The following RIMS2 variants were observed in gnomAD, a reference collection of about 807,000 sequenced individuals.
RIMS2 encodes regulating synaptic membrane exocytosis protein 2.
In RIMS2, 59 loss-of-function variants were observed where a neutral mutation model predicts 174.4. The observed-to-expected ratio is 0.34, with a 90% CI of 0.27 to 0.42. The LOEUF is 0.42. Among genes scored for constraint, RIMS2 ranks in the 10% least tolerant of loss-of-function variants. RIMS2 has a pLI of 1.00. For synonymous variants in RIMS2, 606 were observed against 572.5 expected (o/e 1.06, Z -0.84); for missense variants, 1,620 against 1,666.3 (o/e 0.97, Z 0.48).
rs142095925 is a variant in RIMS2, at chr8:103,825,485, A to G, written c.698+58948A>G. ...TTTTTGTTAGAGATGGGGTTTCGCC[A>G]TGTTGTCCAGGCTGGTCTCAAGCTC... On this transcript the variant is annotated intron_variant, in intron 3 of 23. Transcript: ENST00000504942. 3.5e-3 allele frequency among the ~76,000 whole-genome samples: 475 copies of G among 136,558 alleles called. 2 individuals carry two copies. The highest frequency in any genetic ancestry group is 0.012 in the African/African-American group (443 of 36,200). The allele number at this position is 136,558 out of a possible 152,430, so 89.6% of individuals were successfully genotyped here. A position where few individuals can be genotyped will look rare whatever the true frequency, so the allele number is the denominator to read the frequency against.
chr8:104,020,574 G>A (rs2096062419), intron 19 of RIMS2, among the ~76,000 whole-genome samples: 1 of 151,874 alleles, frequency 6.6e-6, no homozygotes. Context: ...CATTAAAATT[G>A]GAAGATTTAC....
chr8:103,592,596 G>T (rs1447808966), intron 1 of RIMS2, among the ~76,000 whole-genome samples: 1 of 151,274 alleles, frequency 6.6e-6, no homozygotes, highest in Non-Finnish European at 1.5e-5. Flanking sequence ...TGGACCACTG[G>T]CAGTCTCCAA....
chr8:103,614,020 A>G (rs2388724), intron 1 of RIMS2, among the ~76,000 whole-genome samples: 17,666 of 152,282 alleles, frequency 0.12, 1,365 homozygotes, highest in Non-Finnish European at 0.17. Flanking sequence ...TGGTGCAAGC[A>G]CTACTTTAAC....
intron 19 of RIMS2, among the ~76,000 whole-genome samples, chr8:104,225,817 T>C (rs145343667): frequency 1.3e-3 from 204 of 152,324 alleles, no homozygotes; most frequent in Non-Finnish European, 2.4e-3. Context: ...TCTCTACTAG[T>C]AACTAGAGAG....
intron 12 of RIMS2, among the ~76,000 whole-genome samples, chr8:103,936,073 AT>A (rs1243010820): frequency 2.6e-5 from 4 of 152,216 alleles, no homozygotes; most frequent in African/African-American, 9.6e-5. Context: ...TTTATAAAAA[AT>A]AAATTATCAT....
intron 3 of RIMS2, among the ~76,000 whole-genome samples, chr8:103,767,196 T>C (rs1330471826): frequency 1.3e-5 from 2 of 151,238 alleles, no homozygotes; most frequent in Non-Finnish European, 3.0e-5. Flanking sequence ...TTCTTTCTTT[T>C]TTTTTTTTTT....
chr8:103,661,546 C>G (rs774150852), intron 1 of RIMS2, among the ~76,000 whole-genome samples: 1 of 152,112 alleles, frequency 6.6e-6, no homozygotes, highest in African/African-American at 2.4e-5. Flanking sequence ...CTCTGTCACC[C>G]AGGCTGGAGT....
Position 104,014,492 on chromosome 8 carries a change from TG to T in RIMS2, c.3225-12del. 7.1e-7 allele frequency: 1 copy of T among 1,412,886 alleles called. No individual in the cohort carries two copies. The highest frequency in any genetic ancestry group is 1.0e-6 in the Non-Finnish European group (1 of 1,001,988). 87.5% of individuals were successfully genotyped at this position (1,412,886 alleles called of 1,614,324 possible). ...TCATTATACTGAAAATGAATATTAATGGTGTGTCTTTAGGTCTCATCCTCGT... is the reference window on the plus strand; with the variant it reads ...TCATTATACTGAAAATGAATATTAATGTGTGTCTTTAGGTCTCATCCTCGT... On this transcript the variant is annotated splice_polypyrimidine_tract_variant and intron_variant, in intron 18 of 23. Coordinates refer to ENST00000504942, the Ensembl canonical transcript of RIMS2.
rs535562983 is a variant in RIMS2, at chr8:104,034,711, C to A, written c.3334+20096C>A. On this transcript the variant is annotated intron_variant, in intron 19 of 23. Transcript: ENST00000504942. ...TCTCAAACTCCTGAACTCAGGTGAT[C>A]CACCCACCTCAGCCTCCCAAAGTGC... Among the ~76,000 whole-genome samples the A allele has an allele frequency of 2.0e-5, 3 of 152,036 alleles. No homozygotes were observed. In the South Asian group the frequency reaches 6.2e-4, roughly 32 times the overall value.
chr8:104,196,261 C>T (rs2099023852), intron 19 of RIMS2, among the ~76,000 whole-genome samples: 1 of 152,020 alleles, frequency 6.6e-6, no homozygotes, highest in South Asian at 2.1e-4. Context: ...CTTGTTTTTC[C>T]TTTTCAACTT....
intron 1 of RIMS2, among the ~76,000 whole-genome samples, chr8:103,502,270 T>C (rs1820615966): frequency 6.6e-6 from 1 of 152,216 alleles, no homozygotes; most frequent in African/African-American, 2.4e-5. Flanking sequence ...AATTTAGTAG[T>C]CTTTCATGTA....
At chr8:103,691,540 T>C (rs1260344666) in intron 1 of RIMS2, among the ~76,000 whole-genome samples, 1 of 152,212 alleles carries the variant, frequency 6.6e-6, no homozygotes, top group Non-Finnish European at 1.5e-5. Context: ...TTTACGTTAT[T>C]TCAATCTCTT....
intron 3 of RIMS2, among the ~76,000 whole-genome samples, chr8:103,848,539 G>C (rs1380781704): frequency 6.6e-6 from 1 of 151,992 alleles, no homozygotes; most frequent in Non-Finnish European, 1.5e-5. Context: ...TGGGTTTCAT[G>C]ATGGGTGCTT....
At position 103,870,364 on chromosome 8, in the gene RIMS2, T is replaced by C. The variant is rs562074133; in HGVS notation, c.699-14934T>C. Among the ~76,000 whole-genome samples the C allele has an allele frequency of 4.2e-3, 639 of 151,074 alleles. 4 individuals are homozygous for C. Among genetic ancestry groups the C allele is most frequent in the African/African-American group, 0.015 (608 of 41,188 alleles). ...ACCACTCTTATCACCACCACCACCATCACCACCACCACCACCAGCACCACC... is the reference window on the plus strand; with the variant it reads ...ACCACTCTTATCACCACCACCACCACCACCACCACCACCACCAGCACCACC... On this transcript the variant is annotated intron_variant, in intron 3 of 23. Coordinates refer to ENST00000504942, the Ensembl canonical transcript of RIMS2.
chr8:104,245,588 A>C (rs1056917490), intron 20 of RIMS2, among the ~76,000 whole-genome samples: 1 of 152,234 alleles, frequency 6.6e-6, no homozygotes, highest in Non-Finnish European at 1.5e-5. Context: ...TTTCCTTTGA[A>C]TCAACTGTCT....
At chr8:103,740,756 C>A (rs1318269621) in intron 2 of RIMS2, among the ~76,000 whole-genome samples, 1 of 152,082 alleles carries the variant, frequency 6.6e-6, no homozygotes, top group Admixed American at 6.6e-5. Flanking sequence ...CTGTTACAGC[C>A]TCTTTAAAAA....
chr8:104,001,671 T>A (rs2095395094), intron 17 of RIMS2, among the ~76,000 whole-genome samples: 1 of 152,042 alleles, frequency 6.6e-6, no homozygotes, highest in Non-Finnish European at 1.5e-5. Context: ...CTTTCTAAGT[T>A]TCTCTTCCCT....
intron 17 of RIMS2, among the ~76,000 whole-genome samples, chr8:103,993,710 A>G (rs1241343201): frequency 6.6e-6 from 1 of 152,136 alleles, no homozygotes; most frequent in Non-Finnish European, 1.5e-5. Context: ...TAGGGACTAC[A>G]ACATAAGGAA....
At chr8:104,118,937 T>G (rs1165729332) in intron 19 of RIMS2, among the ~76,000 whole-genome samples, 1 of 152,084 alleles carries the variant, frequency 6.6e-6, no homozygotes, top group African/African-American at 2.4e-5. Flanking sequence ...TCCACCCTTA[T>G]GACCTAATTA....
Sources: gnomAD v4.1 joint callset for allele counts (sites outside exome capture counted in the v4.1 genomes callset) on GRCh38, gnomAD v4.1.1 for gene constraint, MANE v1.5 for transcripts, NCBI Gene and HGNC (gene_info 2026-07-23, HGNC 2026-07-21) for gene names.